UGT1A5: variants seen among roughly 807,000 people sequenced by gnomAD.
The protein encoded by UGT1A5 is UDP-glucuronosyltransferase 1A5.
UGT1A5 carries 29 observed loss-of-function variants against 40.3 expected under a neutral mutation model. The observed-to-expected ratio is 0.72, with a 90% CI of 0.54 to 0.98. The LOEUF is 0.98. UGT1A5 is among the 50% of genes least tolerant of loss of function. The pLI, the probability that UGT1A5 is intolerant of heterozygous loss-of-function variation, is 0.00. For missense variants in UGT1A5, 678 were observed against 677.9 expected, an observed-to-expected ratio of 1.00 and a Z score of 0.00; for synonymous variants, 257 against 262.5, an observed-to-expected ratio of 0.98 and a Z score of 0.20.
chr2:233,721,923 T>G, intron 1 of UGT1A5: 3 of 399,842 alleles, frequency 7.5e-6, no homozygotes, highest in South Asian at 5.8e-5. Flanking sequence ...TTCCATAAAG[T>G]GACATCCTTC....
chr2:233,760,957 G>A (rs775797489), intron 1 of UGT1A5: 40 of 1,614,066 alleles, frequency 2.5e-5, no homozygotes, highest in Admixed American at 3.3e-5. Flanking sequence ...CTTTCTGTGC[G>A]ACGTGGTTTA....
At chr2:233,739,959 T>A (rs1437269496) in intron 1 of UGT1A5, among the ~76,000 whole-genome samples, 1 of 151,940 alleles carries the variant, frequency 6.6e-6, no homozygotes, top group Non-Finnish European at 1.5e-5. Flanking sequence ...GGGAGCTGAT[T>A]GAATCATATC....
intron 1 of UGT1A5, among the ~76,000 whole-genome samples, chr2:233,731,055 A>C (rs1216603492): frequency 1.3e-5 from 2 of 152,192 alleles, no homozygotes; most frequent in East Asian, 1.9e-4. Flanking sequence ...AATGTGTATG[A>C]ACTTCCATGA....
chr2:233,761,294 G>T, intron 1 of UGT1A5: 1 of 1,510,468 alleles, frequency 6.6e-7, no homozygotes, highest in Non-Finnish European at 9.0e-7. Flanking sequence ...TGACTCCTAG[G>T]TTTGAGTCTG....
chr2:233,754,024 C>T (rs763970261), intron 1 of UGT1A5, among the ~76,000 whole-genome samples: 4 of 152,198 alleles, frequency 2.6e-5, no homozygotes, highest in Non-Finnish European at 5.9e-5. Flanking sequence ...TGATAGGAAA[C>T]GAATGCATCC....
chr2:233,769,857 CAAAA>C lies in UGT1A5; in HGVS notation c.1307+1432_1307+1435del, dbSNP rs879204025. On this transcript the variant is annotated intron_variant, in intron 4 of 4. Coordinates refer to ENST00000373414, the MANE Select transcript of UGT1A5 (RefSeq NM_019078.2). This position sits in a 1 kb window ranked among gnomAD's most constrained non-coding sequence, Gnocchi z 4.4. ...TGGGCAACAGAGTGAGACCCTGTCTCAAAAAAAAAAAAAAAAATGAAAAGTCCAC... is the reference window on the plus strand; with the variant it reads ...TGGGCAACAGAGTGAGACCCTGTCTCAAAAAAAAAAAAATGAAAAGTCCAC... The C allele has an allele frequency of 2.0e-3, 458 of 223,780 alleles. No individual in the cohort carries two copies. Among genetic ancestry groups the C allele is most frequent in the Middle Eastern group, 6.2e-3 (5 of 804 alleles). The allele number at this position is 223,780 out of a possible 1,614,324, so 13.9% of individuals were successfully genotyped here. A position where few individuals can be genotyped will look rare whatever the true frequency, so the allele number is the denominator to read the frequency against.
At chr2:233,743,995 GC>G (rs1271235263) in intron 1 of UGT1A5, 1 of 1,246,764 alleles carries the variant, frequency 8.0e-7, no homozygotes. Flanking sequence ...AGGCCCGAGT[GC>G]TCGGAGACCT....
intron 4 of UGT1A5, chr2:233,771,117 G>A (rs1700240855): frequency 6.6e-6 from 1 of 152,076 alleles, no homozygotes; most frequent in Admixed American, 6.6e-5. Context: ...AAGCACAAGG[G>A]ATCCGACCCC....
chr2:233,765,063 G>A (rs1333981989), intron 1 of UGT1A5, among the ~76,000 whole-genome samples: 3 of 152,054 alleles, frequency 2.0e-5, no homozygotes, highest in Non-Finnish European at 4.4e-5. Flanking sequence ...CCCTGTCAGA[G>A]GTCTCCTGTG....
chr2:233,753,502 C>A (rs1316574897), intron 1 of UGT1A5: 1 of 152,214 alleles, frequency 6.6e-6, no homozygotes, highest in East Asian at 1.9e-4. Context: ...TTTTTTCAGC[C>A]TGTCTAGTTG....
chr2:233,747,843 G>C, intron 1 of UGT1A5: 1 of 1,613,470 alleles, frequency 6.2e-7, no homozygotes, highest in African/African-American at 1.3e-5. Context: ...CCTGCAAAGG[G>C]TCAAGAACAT....
In UGT1A5 at chr2:233,768,259, C is replaced by T. The variant is rs72551353; in HGVS notation, c.1127C>T (p.Ser376Phe). ...MTRAFITHAGSHGVYESICNG... is the reference protein window; with the variant it reads ...MTRAFITHAGFHGVYESICNG... ...CGTGCCTTTATCACCCATGCTGGTT[C>T]CCATGGTGTTTATGAAAGCATATGC... Residue 376 changes from serine (S) to phenylalanine (F), a missense_variant, in exon 4 of 5, where the codon TCC becomes TTC. Ser to Phe is a radical substitution (Grantham distance 155). Coordinates refer to ENST00000373414, the MANE Select transcript of UGT1A5 (RefSeq NM_019078.2). The T allele has an allele frequency of 1.8e-5, 29 of 1,614,010 alleles. No homozygotes were observed. The highest frequency in any genetic ancestry group is 2.4e-5 in the Non-Finnish European group (28 of 1,180,040).
intron 1 of UGT1A5, among the ~76,000 whole-genome samples, chr2:233,744,175 A>C (rs1324245746): frequency 1.3e-5 from 2 of 151,870 alleles, no homozygotes; most frequent in African/African-American, 4.9e-5. Flanking sequence ...TCCGGCCTCC[A>C]ACCAGCCATG....
At chr2:233,742,882 C>A (rs1692122938) in intron 1 of UGT1A5, 1 of 164,914 alleles carries the variant, frequency 6.1e-6, no homozygotes, top group Non-Finnish European at 1.3e-5. Flanking sequence ...ACCTGGCTCA[C>A]ACTTTCCCAA....
intron 1 of UGT1A5, among the ~76,000 whole-genome samples, chr2:233,732,279 A>C (rs2078256222): frequency 6.6e-6 from 1 of 152,052 alleles, no homozygotes; most frequent in East Asian, 1.9e-4. Context: ...TGCTGTGGAG[A>C]AGCTCTTTAG....
chr2:233,760,995 A>G (rs777512835), intron 1 of UGT1A5: 2 of 1,614,138 alleles, frequency 1.2e-6, no homozygotes, highest in Non-Finnish European at 1.7e-6. Context: ...TTGCCTCAGA[A>G]TTCCTTCAGA....
At chr2:233,728,461 T>G (rs1047446637) in intron 1 of UGT1A5, among the ~76,000 whole-genome samples, 5 of 152,176 alleles carry the variant, frequency 3.3e-5, no homozygotes, top group African/African-American at 2.4e-5. Context: ...CAACAAAGTC[T>G]TCCCAAGAAT....
intron 1 of UGT1A5, chr2:233,756,091 C>T (rs1221587010): frequency 6.6e-6 from 1 of 152,178 alleles, no homozygotes; most frequent in Non-Finnish European, 1.5e-5. Flanking sequence ...AATCAAGTAA[C>T]ATTATTACGG....
chr2:233,719,718 T>C, intron 1 of UGT1A5: 1 of 1,613,900 alleles, frequency 6.2e-7, no homozygotes, highest in Non-Finnish European at 8.5e-7. Flanking sequence ...CCAATCAATG[T>C]TCCAGGCAAA....
Sources: gnomAD v4.1 joint callset for allele counts (sites outside exome capture counted in the v4.1 genomes callset) on GRCh38, gnomAD v4.1.1 for gene constraint, Gnocchi (gnomAD v3.1) non-coding constraint, MANE v1.5 for transcripts, NCBI Gene and HGNC (gene_info 2026-07-23, HGNC 2026-07-21) for gene names.